MAML3: variants seen among roughly 807,000 people sequenced by gnomAD.
MAML3 encodes mastermind like transcriptional coactivator 3.
A neutral mutation model predicts 101.9 loss-of-function variants in MAML3; 27 were observed. The observed-to-expected ratio is 0.27, with a 90% CI of 0.20 to 0.37. MAML3 has a LOEUF of 0.37. MAML3 is among the 10% of genes least tolerant of loss of function. The probability of loss-of-function intolerance (pLI) is 1.00; values close to 1 mark genes in which losing one functional copy is unlikely to be tolerated. For synonymous variants in MAML3, 501 were observed against 555.9 expected (o/e 0.90, Z 1.39); for missense variants, 1,316 against 1,444.9 (o/e 0.91, Z 1.45).
At chr4:140,030,158 G>A (rs1046104465) in intron 1 of MAML3, among the ~76,000 whole-genome samples, 2 of 151,950 alleles carry the variant, frequency 1.3e-5, no homozygotes, top group East Asian at 1.9e-4. Context: ...GTGCTGATGC[G>A]GTCCCTGGTT....
chr4:140,062,907 C>T (rs938114513), intron 1 of MAML3, among the ~76,000 whole-genome samples: 11 of 152,094 alleles, frequency 7.2e-5, no homozygotes, highest in Middle Eastern at 3.2e-3. Flanking sequence ...GAATTCTGGT[C>T]GATAAACACG....
chr4:139,968,319 A>AG (rs1166565086), intron 1 of MAML3, among the ~76,000 whole-genome samples: 3 of 151,746 alleles, frequency 2.0e-5, no homozygotes, highest in Admixed American at 6.6e-5. Context: ...TAAAAAAAAA[A>AG]AAAAAAAGAA....
At chr4:140,012,234 C>T (rs1207782262) in intron 1 of MAML3, among the ~76,000 whole-genome samples, 1 of 152,146 alleles carries the variant, frequency 6.6e-6, no homozygotes, top group African/African-American at 2.4e-5. Context: ...ACAAGTTTTG[C>T]TTGTGAAATT....
chr4:140,082,521 T>C (rs1727875097), intron 1 of MAML3, among the ~76,000 whole-genome samples: 1 of 152,150 alleles, frequency 6.6e-6, no homozygotes, highest in South Asian at 2.1e-4. Context: ...GGGCCTAACA[T>C]GGAGCTCTGC....
At chr4:139,883,112 A>G (rs1732250908) in intron 2 of MAML3, among the ~76,000 whole-genome samples, 1 of 152,194 alleles carries the variant, frequency 6.6e-6, no homozygotes, top group African/African-American at 2.4e-5. Context: ...GTGAAGGGTG[A>G]TTGCAAGACT....
chr4:140,037,959 A>G (rs759679944), intron 1 of MAML3, among the ~76,000 whole-genome samples: 3 of 152,228 alleles, frequency 2.0e-5, no homozygotes, highest in Non-Finnish European at 4.4e-5. Context: ...CAATCAGCCT[A>G]AATGCAATGT....
In MAML3 at chr4:140,153,573, C is replaced by T; in HGVS notation, c.-246G>A. On this transcript the variant is annotated 5_prime_UTR_variant, in exon 1 of 5. The change abolishes an upstream ATG in the 5' untranslated region. Coordinates refer to ENST00000509479, the MANE Select transcript of MAML3 (RefSeq NM_018717.5). ...AAAGGGGGGAACGTTATCGGAATAC[C>T]ATCAGACACCTATCAACAAAAAGAA... 1 of 472,240 alleles carries T rather than the reference C, an allele frequency of 2.1e-6. No individual in the cohort carries two copies. The highest frequency in any genetic ancestry group is 3.7e-6 in the Non-Finnish European group (1 of 270,272). The allele number at this position is 472,240 out of a possible 1,614,324, so 29.3% of individuals were successfully genotyped here. A position where few individuals can be genotyped will look rare whatever the true frequency, so the allele number is the denominator to read the frequency against.
rs926272333 is a variant in MAML3 at position 139,929,554 on chromosome 4, C to A, written c.469-38587G>T. On this transcript the variant is annotated intron_variant, in intron 1 of 4. Transcript: ENST00000509479. ...TTAATGTTGTATCACTATTCAGATG[C>A]AGTTTATTGCAGGGAACAGCTTAAA... is the stretch of plus-strand genomic sequence containing the variant. 9.2e-5 allele frequency among the ~76,000 whole-genome samples: 14 copies of A among 152,286 alleles called. No homozygotes were observed. The South Asian group carries it at 2.7e-3, about 29-fold the overall frequency.
chr4:140,012,236 T>C (rs898741278), intron 1 of MAML3, among the ~76,000 whole-genome samples: 5 of 152,244 alleles, frequency 3.3e-5, no homozygotes, highest in African/African-American at 1.2e-4. Context: ...AAGTTTTGCT[T>C]GTGAAATTTA....
At chr4:140,127,140 G>A (rs979878063) in intron 1 of MAML3, among the ~76,000 whole-genome samples, 1 of 152,118 alleles carries the variant, frequency 6.6e-6, no homozygotes, top group Non-Finnish European at 1.5e-5. Flanking sequence ...GGCCCTCCAC[G>A]TCCTAATGCC....
chr4:139,894,726 G>GAA (rs35304334), intron 1 of MAML3, among the ~76,000 whole-genome samples: 127 of 151,010 alleles, frequency 8.4e-4, no homozygotes, highest in Non-Finnish European at 1.5e-3. Flanking sequence ...GAATTTGACG[G>GAA]AAAAAAAAAT....
At chr4:139,791,359 T>C (rs1730405318) in intron 2 of MAML3, among the ~76,000 whole-genome samples, 1 of 151,890 alleles carries the variant, frequency 6.6e-6, no homozygotes, top group Non-Finnish European at 1.5e-5. Context: ...TAGCCAGGCA[T>C]GGTGGCACGT....
At chr4:139,821,786 T>C (rs1730977699) in intron 2 of MAML3, among the ~76,000 whole-genome samples, 3 of 152,226 alleles carry the variant, frequency 2.0e-5, no homozygotes, top group South Asian at 4.1e-4. Flanking sequence ...ATTTACATAA[T>C]GTGGACAATA....
At chr4:140,001,278 T>C (rs945151988) in intron 1 of MAML3, among the ~76,000 whole-genome samples, 1 of 152,234 alleles carries the variant, frequency 6.6e-6, no homozygotes, top group Admixed American at 6.5e-5. Context: ...TTCTCTATAA[T>C]GAAACCAGTT....
chr4:139,833,199 C>T (rs538559913), intron 2 of MAML3, among the ~76,000 whole-genome samples: 2 of 152,276 alleles, frequency 1.3e-5, no homozygotes, highest in East Asian at 3.9e-4. Flanking sequence ...CACAAACACG[C>T]AAGTTAGCCC....
intron 1 of MAML3, among the ~76,000 whole-genome samples, chr4:140,116,719 T>C (rs1029440060): frequency 4.6e-5 from 7 of 152,192 alleles, no homozygotes; most frequent in African/African-American, 1.7e-4. Flanking sequence ...TTCACTCAAC[T>C]GAAATGGCAG....
intron 1 of MAML3, among the ~76,000 whole-genome samples, chr4:140,130,150 C>T (rs1211963163): frequency 6.6e-6 from 1 of 152,064 alleles, no homozygotes; most frequent in Non-Finnish European, 1.5e-5. Context: ...CAAACTTAAA[C>T]CAAATAGGTA....
chr4:139,903,388 C>T (rs11733737), intron 1 of MAML3, among the ~76,000 whole-genome samples: 51,023 of 152,126 alleles, frequency 0.34, 11,102 homozygotes, highest in Non-Finnish European at 0.49. Context: ...CAACAAACTA[C>T]AAAATGCTCC....
chr4:140,106,329 T>A (rs188909881), intron 1 of MAML3, among the ~76,000 whole-genome samples: 5 of 152,306 alleles, frequency 3.3e-5, no homozygotes, highest in African/African-American at 7.2e-5. Context: ...TGCTCTCAAC[T>A]ATCATAAGCC....
Sources: gnomAD v4.1 joint callset for allele counts (sites outside exome capture counted in the v4.1 genomes callset) on GRCh38, gnomAD v4.1.1 for gene constraint, MANE v1.5 for transcripts, NCBI Gene and HGNC (gene_info 2026-07-23, HGNC 2026-07-21) for gene names.